Variants in KCNH1 observed in about 807,000 individuals in gnomAD.
KCNH1 encodes voltage-gated delayed rectifier potassium channel KCNH1.
Under a neutral mutation model 69.2 loss-of-function variants are expected in KCNH1, and 27 were observed. The observed-to-expected ratio is 0.39, with a 90% CI of 0.29 to 0.54. KCNH1 has a LOEUF of 0.54. Ranked by LOEUF, KCNH1 falls within the 20% of genes least tolerant of loss-of-function variation. The pLI, the probability that KCNH1 is intolerant of heterozygous loss-of-function variation, is 0.68. For missense variants in KCNH1, 798 were observed against 1,261.6 expected (o/e 0.63, Z 5.57); for synonymous variants, 456 against 487.7 (o/e 0.93, Z 0.86).
intron 1 of KCNH1, among the ~76,000 whole-genome samples, chr1:211,131,111 A>G (rs1691868158): frequency 6.6e-6 from 1 of 152,060 alleles, no homozygotes; most frequent in South Asian, 2.1e-4. Flanking sequence ...TCTGCCCTTA[A>G]ATATTTGAGG....
At position 211,120,251 on chromosome 1, in the gene KCNH1, G is replaced by A. The variant is rs184293435; in HGVS notation, c.80-12874C>T. On this transcript the variant is annotated intron_variant, in intron 1 of 10. Transcript: ENST00000271751. ...GTCCCCCAGCATGGAGTGCAATGGT[G>A]CAATCTCGGCTCACTGCAACCTCTG... is the stretch of plus-strand genomic sequence containing the variant. 2.1e-3 allele frequency among the ~76,000 whole-genome samples: 316 copies of A among 150,710 alleles called. 1 individual carries two copies. The Middle Eastern group carries it at 0.034, about 16-fold the overall frequency.
intron 5 of KCNH1, among the ~76,000 whole-genome samples, chr1:211,022,366 G>A (rs1217607626): frequency 1.3e-5 from 2 of 152,040 alleles, no homozygotes; most frequent in Non-Finnish European, 2.9e-5. Context: ...TCAAACTATA[G>A]AATCGATAAA....
chr1:210,997,355 C>T (rs186130178), intron 6 of KCNH1, among the ~76,000 whole-genome samples: 33 of 152,170 alleles, frequency 2.2e-4, no homozygotes, highest in Admixed American at 1.0e-3. Context: ...TCCAGAACTA[C>T]GTGAAGAATG....
intron 6 of KCNH1, among the ~76,000 whole-genome samples, chr1:210,937,683 T>C (rs1188916830): frequency 6.6e-6 from 1 of 152,184 alleles, no homozygotes; most frequent in African/African-American, 2.4e-5. Flanking sequence ...ATTTGGGGCA[T>C]TGTTCCTGGC....
chr1:211,040,293 G>A (rs1463708839), intron 5 of KCNH1, among the ~76,000 whole-genome samples: 1 of 152,058 alleles, frequency 6.6e-6, no homozygotes, highest in Non-Finnish European at 1.5e-5. Context: ...GAATGATATG[G>A]TTTGGCTGTG....
intron 10 of KCNH1, among the ~76,000 whole-genome samples, chr1:210,735,021 C>T (rs1682839166): frequency 6.6e-6 from 1 of 152,188 alleles, no homozygotes; most frequent in African/African-American, 2.4e-5. Context: ...CTTCTCCCTG[C>T]AGTCCGTCAT....
chr1:210,895,455 C>A (rs1376634324), intron 7 of KCNH1, among the ~76,000 whole-genome samples: 1 of 152,082 alleles, frequency 6.6e-6, no homozygotes, highest in Non-Finnish European at 1.5e-5. Context: ...TGGATATTTA[C>A]AGAATCTCAG....
intron 10 of KCNH1, among the ~76,000 whole-genome samples, chr1:210,718,372 A>G (rs1412172272): frequency 8.7e-6 from 1 of 114,634 alleles, no homozygotes; most frequent in Non-Finnish European, 1.7e-5. Context: ...TTATATATAA[A>G]TATATGCATA....
chr1:211,037,342 C>T (rs928868369), intron 5 of KCNH1, among the ~76,000 whole-genome samples: 6 of 152,182 alleles, frequency 3.9e-5, no homozygotes, highest in Non-Finnish European at 8.8e-5. Context: ...CACTGACATA[C>T]ATCATCACAT....
chr1:210,897,290 G>A (rs185832470), intron 7 of KCNH1, among the ~76,000 whole-genome samples: 1 of 152,350 alleles, frequency 6.6e-6, no homozygotes, highest in Admixed American at 6.5e-5. Context: ...AAGAGCAGAA[G>A]ATGGAGCTCA....
At chr1:210,765,941 T>C (rs1409068374) in intron 10 of KCNH1, among the ~76,000 whole-genome samples, 1 of 151,998 alleles carries the variant, frequency 6.6e-6, no homozygotes, top group Non-Finnish European at 1.5e-5. Context: ...CAGGCACCTG[T>C]AATCCCAGCT....
chr1:210,908,274 G>A (rs373162398), intron 7 of KCNH1, among the ~76,000 whole-genome samples: 6 of 152,314 alleles, frequency 3.9e-5, no homozygotes, highest in African/African-American at 1.4e-4. Context: ...GAGAGAGAAA[G>A]AGAAGCAAAG....
intron 9 of KCNH1, among the ~76,000 whole-genome samples, chr1:210,792,036 C>T (rs779160174): frequency 7.9e-5 from 12 of 152,252 alleles, no homozygotes; most frequent in Non-Finnish European, 1.5e-4. Flanking sequence ...GGAACTGGGG[C>T]CTGCTCATCA....
chr1:211,042,275 C>A (rs1419873046), intron 5 of KCNH1, among the ~76,000 whole-genome samples: 1 of 152,158 alleles, frequency 6.6e-6, no homozygotes, highest in African/African-American at 2.4e-5. Flanking sequence ...TTATTATACT[C>A]ATCAGGAATT....
intron 7 of KCNH1, among the ~76,000 whole-genome samples, chr1:210,899,481 C>G (rs1501563): frequency 0.36 from 52,208 of 145,986 alleles, 9,133 homozygotes; most frequent in Non-Finnish European, 0.38. Context: ...ATATATATCT[C>G]ACTTATGAGA....
intron 3 of KCNH1, among the ~76,000 whole-genome samples, chr1:211,101,713 C>T (rs1398389753): frequency 6.6e-6 from 1 of 152,140 alleles, no homozygotes; most frequent in Non-Finnish European, 1.5e-5. Flanking sequence ...TGAGAATGGC[C>T]GTGGAGCAAA....
At chr1:210,909,670 T>C (rs1251040985) in intron 7 of KCNH1, among the ~76,000 whole-genome samples, 1 of 152,242 alleles carries the variant, frequency 6.6e-6, no homozygotes, top group African/African-American at 2.4e-5. Context: ...ATTTCAAAAA[T>C]GGAAGTTTTT....
intron 7 of KCNH1, among the ~76,000 whole-genome samples, chr1:210,878,774 A>C (rs1574313139): frequency 6.6e-6 from 1 of 152,080 alleles, no homozygotes; most frequent in East Asian, 1.9e-4. Flanking sequence ...AAAGAAAAGA[A>C]ATTATAAAAA....
At chr1:210,735,996 A>C (rs1039672037) in intron 10 of KCNH1, among the ~76,000 whole-genome samples, 1 of 151,898 alleles carries the variant, frequency 6.6e-6, no homozygotes, top group African/African-American at 2.4e-5. Context: ...TGCTGGCTGC[A>C]TTTTAGCTTA....
Sources: gnomAD v4.1 joint callset for allele counts (sites outside exome capture counted in the v4.1 genomes callset) on GRCh38, gnomAD v4.1.1 for gene constraint, MANE v1.5 for transcripts, NCBI Gene and HGNC (gene_info 2026-07-23, HGNC 2026-07-21) for gene names.